ARHGAP11B: variants seen among roughly 807,000 people sequenced by gnomAD.
The protein encoded by ARHGAP11B is Rho GTPase activating protein 11B.
Under a neutral mutation model 27.6 loss-of-function variants are expected in ARHGAP11B, and 14 were observed. That is an observed-to-expected ratio of 0.51 (90% CI 0.34 to 0.79). ARHGAP11B has a LOEUF of 0.79. ARHGAP11B is among the 30% of genes least tolerant of loss of function. The probability of loss-of-function intolerance (pLI) is 0.02; values close to 1 mark genes in which losing one functional copy is unlikely to be tolerated. For missense variants in ARHGAP11B, 245 were observed against 320.1 expected (o/e 0.77, Z 1.79); for synonymous variants, 82 against 114.1 (o/e 0.72, Z 1.80).
chr15:30,639,716 A>G (rs919318863), intron 7 of ARHGAP11B, among the ~76,000 whole-genome samples: 9 of 152,050 alleles, frequency 5.9e-5, no homozygotes, highest in Non-Finnish European at 1.3e-4. Context: ...AAGAAAAGGA[A>G]GTCCATCAAG....
At chr15:30,644,845 T>A (rs1442879777) in intron 8 of ARHGAP11B, 3 of 798,220 alleles carry the variant, frequency 3.8e-6, no homozygotes, top group Non-Finnish European at 6.2e-6. Flanking sequence ...GGGTCAGTGT[T>A]ATGTGAATTG....
chr15:30,638,416 G>T (rs1347498952), intron 6 of ARHGAP11B, among the ~76,000 whole-genome samples: 1 of 151,120 alleles, frequency 6.6e-6, no homozygotes, highest in Non-Finnish European at 1.5e-5. Context: ...CATTTCCATG[G>T]TTCTTGCCTC....
chr15:30,647,808 A>T (rs1401905806), intron 10 of ARHGAP11B: 1 of 168,292 alleles, frequency 5.9e-6, no homozygotes, highest in Non-Finnish European at 1.5e-5. Context: ...CTAAATAATT[A>T]TCATAAATTT....
chr15:30,638,355 T>G (rs1043966629), intron 6 of ARHGAP11B, among the ~76,000 whole-genome samples: 5 of 151,922 alleles, frequency 3.3e-5, no homozygotes, highest in Admixed American at 3.3e-4. Context: ...ATTGATATAA[T>G]GTTTTTACTT....
chr15:30,642,554 A>G (rs1595678656), intron 7 of ARHGAP11B, among the ~76,000 whole-genome samples: 1 of 152,040 alleles, frequency 6.6e-6, no homozygotes, highest in African/African-American at 2.4e-5. Flanking sequence ...TTGTTTGCCA[A>G]TAGCTTATTT....
chr15:30,645,085 G>A (rs2140909095), intron 8 of ARHGAP11B, among the ~76,000 whole-genome samples: 1 of 151,958 alleles, frequency 6.6e-6, no homozygotes, highest in South Asian at 2.1e-4. Flanking sequence ...GGCGGGACCA[G>A]GACATTTGAG....
intron 7 of ARHGAP11B, among the ~76,000 whole-genome samples, chr15:30,644,376 C>G (rs2060333396): frequency 6.6e-6 from 1 of 152,130 alleles, no homozygotes; most frequent in Middle Eastern, 3.4e-3. Flanking sequence ...GGTAAATTAT[C>G]TAAAGAGTAA....
intron 6 of ARHGAP11B, 148 bp from the exon 7 acceptor site, chr15:30,638,598 C>G (rs1316865394): frequency 2.3e-6 from 1 of 439,598 alleles, no homozygotes; most frequent in Non-Finnish European, 4.1e-6. Flanking sequence ...AGTATTTTTC[C>G]TATTTTGAAA....
At position 30,633,807 on chromosome 15, in the gene ARHGAP11B, T is replaced by C. The variant is rs143441542; in HGVS notation, c.297+221T>C. Reference sequence around the variant, plus strand: ...CTTTTAAATTCATGGTCCTTATTTCTATCAAGTATTATGTAAAATGAAAAA... The same window carrying C: ...CTTTTAAATTCATGGTCCTTATTTCCATCAAGTATTATGTAAAATGAAAAA... On this transcript the variant is annotated intron_variant, in intron 3 of 10. Coordinates refer to ENST00000428041, the Ensembl canonical transcript of ARHGAP11B. Among the ~76,000 whole-genome samples, 527 of 152,026 alleles carry C rather than the reference T, an allele frequency of 3.5e-3. 6 individuals are homozygous for C. Among genetic ancestry groups the C allele is most frequent in the Non-Finnish European group, 6.0e-3 (409 of 67,970 alleles).
At chr15:30,628,220 A>G (rs1161395884) in intron 1 of ARHGAP11B, among the ~76,000 whole-genome samples, 2 of 151,866 alleles carry the variant, frequency 1.3e-5, no homozygotes, top group East Asian at 3.9e-4. Flanking sequence ...AGCTGGAACT[A>G]CAGGCGTCCG....
chr15:30,635,350 C>T, intron 5 of ARHGAP11B, 137 bp from the exon 6 acceptor site: 2 of 1,417,656 alleles, frequency 1.4e-6, no homozygotes, highest in African/African-American at 1.4e-5. Flanking sequence ...ATATTACTGA[C>T]CTCACCCCCA....
intron 6 of ARHGAP11B, among the ~76,000 whole-genome samples, chr15:30,637,577 A>G (rs2060288194): frequency 6.6e-6 from 1 of 151,896 alleles, no homozygotes; most frequent in Non-Finnish European, 1.5e-5. Flanking sequence ...TACTAAGAAT[A>G]TAAAAAATTA....
rs948721915 is a variant in ARHGAP11B, at chr15:30,646,209, T to G, written c.*238T>G. ...CTCCAGTGAGAAGAGCTCGGGGACCTCCTGAGCCAAGTTTAATCTCCTTTG... is the reference window on the plus strand; with the variant it reads ...CTCCAGTGAGAAGAGCTCGGGGACCGCCTGAGCCAAGTTTAATCTCCTTTG... On this transcript the variant is annotated 3_prime_UTR_variant, in exon 9 of 11. Coordinates refer to ENST00000428041, the Ensembl canonical transcript of ARHGAP11B. The G allele has an allele frequency of 2.0e-5, 21 of 1,058,956 alleles. No individual in the cohort carries two copies. In the African/African-American group the frequency reaches 3.2e-4, roughly 16 times the overall value. 65.6% of individuals were successfully genotyped at this position (1,058,956 alleles called of 1,614,324 possible). A position where few individuals can be genotyped will look rare whatever the true frequency, so the allele number is the denominator to read the frequency against.
chr15:30,640,622 G>A (rs916373337), intron 7 of ARHGAP11B, among the ~76,000 whole-genome samples: 1 of 151,876 alleles, frequency 6.6e-6, no homozygotes, highest in African/African-American at 2.4e-5. Flanking sequence ...TTATTTTGTT[G>A]GTTTCAGACA....
chr15:30,638,787 A>T lies in ARHGAP11B; in HGVS notation c.*45A>T, dbSNP rs201714414. The T allele has an allele frequency of 2.1e-3, 3,116 of 1,487,464 alleles. 30 individuals carry two copies. Among genetic ancestry groups the T allele is most frequent in the Non-Finnish European group, 2.7e-3 (2,971 of 1,111,686 alleles). The allele number at this position is 1,487,464 out of a possible 1,614,324, so 92.1% of individuals were successfully genotyped here. A position where few individuals can be genotyped will look rare whatever the true frequency, so the allele number is the denominator to read the frequency against. On this transcript the variant is annotated 3_prime_UTR_variant, in exon 7 of 11. Transcript: ENST00000428041. ...ACTAAATAAATTTAAACCTAACAGA[A>T]CACCTTCTATTACACCTCAACAAGA...
chr15:30,648,387 A>T (rs2060364904), exon 11 of ARHGAP11B, among the ~76,000 whole-genome samples: 1 of 151,932 alleles, frequency 6.6e-6, no homozygotes, highest in African/African-American at 2.4e-5. Flanking sequence ...TGGCCAAATG[A>T]TTATCTTTTT....
chr15:30,635,026 C>T, intron 4 of ARHGAP11B, 54 bp from the exon 5 acceptor site: 1 of 1,559,500 alleles, frequency 6.4e-7, no homozygotes. Context: ...GTTATTTTAA[C>T]TCTTCTGTAT....
chr15:30,638,739 A>G lies in ARHGAP11B; in HGVS notation c.*4-7A>G. The G allele has an allele frequency of 6.8e-7, 1 of 1,467,730 alleles. No individual in the cohort carries two copies. Among genetic ancestry groups the G allele is most frequent in the Non-Finnish European group, 9.1e-7 (1 of 1,093,508 alleles). 90.9% of individuals were successfully genotyped at this position (1,467,730 alleles called of 1,614,324 possible). A position where few individuals can be genotyped will look rare whatever the true frequency, so the allele number is the denominator to read the frequency against. ...GAAGTTGTAATTGCTTATGTCTTGC[A>G]TTTCAGATTTTGTTAGTGGAGCACT... On this transcript the variant is annotated splice_polypyrimidine_tract_variant and splice_region_variant and intron_variant, in intron 6 of 10. Transcript: ENST00000428041.
At chr15:30,629,415 G>A (rs991209667) in intron 1 of ARHGAP11B, among the ~76,000 whole-genome samples, 5 of 152,016 alleles carry the variant, frequency 3.3e-5, no homozygotes, top group Non-Finnish European at 7.4e-5. Context: ...TTAGCTGGGC[G>A]TGGTGGCGGG....
Sources: allele counts gnomAD v4.1 joint callset (sites outside exome capture counted in the v4.1 genomes callset), GRCh38; gene constraint gnomAD v4.1.1; transcripts MANE v1.5; gene names NCBI Gene and HGNC (gene_info 2026-07-23, HGNC 2026-07-21).